Variants in THSD4 observed in about 807,000 individuals in gnomAD.
THSD4 encodes the protein thrombospondin type-1 domain-containing protein 4.
THSD4 carries 69 observed loss-of-function variants against 119.0 expected under a neutral mutation model. The ratio of observed to expected loss-of-function variants is 0.58; its 90% CI spans 0.48 to 0.71. The LOEUF (loss-of-function observed/expected upper bound fraction) is 0.71, where lower values mean the gene tolerates loss of function less well. Ranked by LOEUF, THSD4 falls within the 30% of genes least tolerant of loss-of-function variation. The pLI, the probability that THSD4 is intolerant of heterozygous loss-of-function variation, is 0.00. For synonymous variants in THSD4, 524 were observed against 540.4 expected (o/e 0.97, Z 0.42); for missense variants, 1,393 against 1,391.1 (o/e 1.00, Z -0.02).
intron 7 of THSD4, among the ~76,000 whole-genome samples, chr15:71,641,198 C>G (rs1335256969): frequency 6.6e-6 from 1 of 152,140 alleles, no homozygotes; most frequent in Non-Finnish European, 1.5e-5. Context: ...TTAATCCTTA[C>G]AGCAATCTTT....
At chr15:71,590,299 C>T (rs2049768726) in intron 7 of THSD4, among the ~76,000 whole-genome samples, 1 of 134,808 alleles carries the variant, frequency 7.4e-6, no homozygotes, top group South Asian at 2.4e-4. Context: ...ACTGATTTGG[C>T]AGCTTGTAAT....
chr15:71,757,910 G>C lies in THSD4; in HGVS notation c.2424G>C (p.Ala808=). The C allele has an allele frequency of 6.2e-7, 1 of 1,613,600 alleles. No homozygotes were observed. The highest frequency in any genetic ancestry group is 8.5e-7 in the Non-Finnish European group (1 of 1,180,006). The part of the protein sequence containing the change: ...FLTEWSERCS[A]ECGAGVRTRS... ...CTTCCCCTGTCTCACAGTGCTCAGC[G>C]GAGTGTGGGGCCGGAGTGCGGACAC... The change falls in exon 15 of 18, where the codon GCG becomes GCC. Residue 808 remains alanine (A), a synonymous_variant. Transcript: ENST00000261862.
At chr15:71,634,652 G>A (rs1031372793) in intron 7 of THSD4, among the ~76,000 whole-genome samples, 1 of 152,150 alleles carries the variant, frequency 6.6e-6, no homozygotes, top group Non-Finnish European at 1.5e-5. Context: ...GGAATGGGTG[G>A]GAAGAACAAG....
intron 8 of THSD4, among the ~76,000 whole-genome samples, chr15:71,670,896 G>A (rs887283847): frequency 6.6e-6 from 1 of 152,126 alleles, no homozygotes. Context: ...CAGTCTATCA[G>A]TGATGGACAT....
intron 5 of THSD4, among the ~76,000 whole-genome samples, chr15:71,243,301 C>T (rs1378773262): frequency 1.3e-5 from 2 of 151,372 alleles, no homozygotes; most frequent in Non-Finnish European, 2.9e-5. Flanking sequence ...GCTTTAGTAA[C>T]TTATACATTG....
rs369493146 is a variant in THSD4, at chr15:71,731,194, A to G, written c.1607A>G (p.Gln536Arg). ...VIMGTNAISPQVPPHRRPGEP... is the reference protein window; with the variant it reads ...VIMGTNAISPRVPPHRRPGEP... ...ATGGGGACCAACGCCATCAGCCCCC[A>G]GGTGCCACCCCACAGGAGACCAGGT... Residue 536 changes from glutamine to arginine, a missense_variant, in exon 10 of 18, where the codon CAG (glutamine) becomes CGG (arginine). By Grantham distance (43) the Gln-to-Arg change is conservative. Coordinates refer to ENST00000261862, the MANE Select transcript of THSD4 (RefSeq NM_024817.3). The G allele has an allele frequency of 2.9e-5, 47 of 1,614,164 alleles. No homozygotes were observed. The highest frequency in any genetic ancestry group is 1.7e-4 in the Admixed American group (10 of 60,010).
intron 6 of THSD4, among the ~76,000 whole-genome samples, chr15:71,339,197 A>G (rs946948609): frequency 1.1e-4 from 17 of 152,078 alleles, no homozygotes; most frequent in Non-Finnish European, 4.4e-5. Context: ...AGTATGTTTT[A>G]TCTCCATTAA....
chr15:71,681,567 C>T (rs560996435), intron 8 of THSD4, among the ~76,000 whole-genome samples: 3 of 149,940 alleles, frequency 2.0e-5, no homozygotes, highest in South Asian at 2.1e-4. Context: ...CCCAGCTACT[C>T]GGGAGGCTGG....
intron 7 of THSD4, among the ~76,000 whole-genome samples, chr15:71,615,453 A>T (rs1368967052): frequency 2.0e-5 from 3 of 152,160 alleles, no homozygotes; most frequent in Admixed American, 2.0e-4. Flanking sequence ...GTAAGAAGGG[A>T]AATATGCATT....
Position 71,486,611 on chromosome 15 carries a change from GTTT to G in THSD4, c.1152+74811_1152+74813del, listed in dbSNP as rs200120589. ...CTCCCTAATGCCAAGTTTCTTTTCTGTTTTTTTTTTTTTTTTTTTTTTTTTATT... is the reference window on the plus strand; with the variant it reads ...CTCCCTAATGCCAAGTTTCTTTTCTGTTTTTTTTTTTTTTTTTTTTTTATT... On this transcript the variant is annotated intron_variant, in intron 7 of 17. Transcript: ENST00000261862. Among the ~76,000 whole-genome samples, 1,116 of 131,650 alleles carry G rather than the reference GTTT, an allele frequency of 8.5e-3. 6 individuals are homozygous for G. Among genetic ancestry groups the G allele is most frequent in the African/African-American group, 0.021 (719 of 34,032 alleles). 86.4% of individuals were successfully genotyped at this position (131,650 alleles called of 152,430 possible).
chr15:71,160,924 G>C (rs765219032), intron 3 of THSD4, among the ~76,000 whole-genome samples: 3 of 151,732 alleles, frequency 2.0e-5, no homozygotes, highest in Non-Finnish European at 4.4e-5. Context: ...AGTCACAGGA[G>C]GTAATGGAGA....
intron 7 of THSD4, among the ~76,000 whole-genome samples, chr15:71,629,838 T>C (rs1437818961): frequency 6.6e-6 from 1 of 152,198 alleles, no homozygotes; most frequent in Non-Finnish European, 1.5e-5. Context: ...GATGCGTGGT[T>C]TGCAACCTCA....
At chr15:71,564,858 T>C (rs1740695422) in intron 7 of THSD4, among the ~76,000 whole-genome samples, 2 of 132,410 alleles carry the variant, frequency 1.5e-5, no homozygotes, top group African/African-American at 5.5e-5. Flanking sequence ...TATAATACAA[T>C]ATATTGTATA....
chr15:71,243,142 G>A (rs374274229), intron 5 of THSD4, 46 bp downstream of exon 5: 110 of 1,554,798 alleles, frequency 7.1e-5, no homozygotes, highest in Admixed American at 7.5e-5. Context: ...GCTGCCCCTC[G>A]TTTTTCTGTC....
At chr15:71,429,327 G>A (rs1411017520) in intron 7 of THSD4, among the ~76,000 whole-genome samples, 1 of 152,162 alleles carries the variant, frequency 6.6e-6, no homozygotes, top group Non-Finnish European at 1.5e-5. Flanking sequence ...AATACACAGT[G>A]GCCTGGGACA....
chr15:71,142,370 A>G (rs940447322), intron 2 of THSD4, among the ~76,000 whole-genome samples: 2 of 152,182 alleles, frequency 1.3e-5, no homozygotes, highest in Admixed American at 6.5e-5. Context: ...ACTGTAGTCC[A>G]TGTTATCGAA....
At chr15:71,355,758 G>A (rs539887026) in intron 6 of THSD4, among the ~76,000 whole-genome samples, 77 of 152,266 alleles carry the variant, frequency 5.1e-4, no homozygotes, top group East Asian at 1.9e-4. Context: ...GCTTGACTGC[G>A]TTTGAATCAG....
At chr15:71,536,163 C>G (rs899990675) in intron 7 of THSD4, among the ~76,000 whole-genome samples, 2 of 152,156 alleles carry the variant, frequency 1.3e-5, no homozygotes, top group Non-Finnish European at 2.9e-5. Context: ...TTCCAGAGAT[C>G]AGAAGTCCAA....
Position 71,305,657 on chromosome 15 carries a change from C to T in THSD4, c.1015+48942C>T, listed in dbSNP as rs531292104. Among the ~76,000 whole-genome samples the T allele has an allele frequency of 7.2e-5, 11 of 152,324 alleles. No homozygotes were observed. In the South Asian group the frequency reaches 2.3e-3, roughly 32 times the overall value. On this transcript the variant is annotated intron_variant, in intron 6 of 17. Transcript: ENST00000261862. Reference sequence around the variant, plus strand: ...TAAACTGCCCAGCACCTAAGATGCACTAAGATGTGGTAGCTCTTATCACCC... The same window carrying T: ...TAAACTGCCCAGCACCTAAGATGCATTAAGATGTGGTAGCTCTTATCACCC...
Sources: gnomAD v4.1 joint callset for allele counts (sites outside exome capture counted in the v4.1 genomes callset) on GRCh38, gnomAD v4.1.1 for gene constraint, MANE v1.5 for transcripts, NCBI Gene and HGNC (gene_info 2026-07-23, HGNC 2026-07-21) for gene names.